Variants in CNTNAP4 observed in about 807,000 individuals in gnomAD.
CNTNAP4 encodes the protein contactin-associated protein-like 4.
CNTNAP4 carries 98 observed loss-of-function variants against 148.4 expected under a neutral mutation model. That is an observed-to-expected ratio of 0.66 (90% confidence interval 0.56 to 0.78). The LOEUF is 0.78. Among genes scored for constraint, CNTNAP4 ranks in the 30% least tolerant of loss-of-function variants. The probability of loss-of-function intolerance (pLI) is 0.00; values close to 1 mark genes in which losing one functional copy is unlikely to be tolerated. For synonymous variants in CNTNAP4, 730 were observed against 565.1 expected (o/e 1.29, Z -4.14); for missense variants, 1,935 against 1,565.6 (o/e 1.24, Z -3.98).
rs368695965 is a variant in CNTNAP4 at position 76,480,020 on chromosome 16, G to T, written c.1882+482G>T. Among the ~76,000 whole-genome samples, 302 of 152,168 alleles carry T rather than the reference G, an allele frequency of 2.0e-3. 1 individual carries two copies. Among genetic ancestry groups the T allele is most frequent in the African/African-American group, 6.7e-3 (278 of 41,540 alleles). The stretch of plus-strand genomic sequence containing the variant: ...AGTTACCTTGTTTCGATAAAGACCA[G>T]AAAACTTTACAGCCTATATTAGTTT... On this transcript the variant is annotated intron_variant, in intron 12 of 23. Coordinates refer to ENST00000611870, the MANE Select transcript of CNTNAP4 (RefSeq NM_033401.5).
At chr16:76,309,452 A>G (rs1202993921) in intron 1 of CNTNAP4, among the ~76,000 whole-genome samples, 2 of 152,096 alleles carry the variant, frequency 1.3e-5, no homozygotes, top group East Asian at 3.9e-4. Flanking sequence ...GGCCTTGGCT[A>G]GGGGAGGCTG....
intron 9 of CNTNAP4, among the ~76,000 whole-genome samples, chr16:76,466,512 C>A (rs991745435): frequency 1.3e-4 from 19 of 151,990 alleles, no homozygotes; most frequent in Non-Finnish European, 4.4e-5. Flanking sequence ...ATCTCATATA[C>A]CCACATATAC....
chr16:76,294,756 A>C (rs888973011), intron 1 of CNTNAP4, among the ~76,000 whole-genome samples: 3 of 152,148 alleles, frequency 2.0e-5, no homozygotes, highest in African/African-American at 2.4e-5. Context: ...TTATTCACTC[A>C]ACAAATAGTT....
chr16:76,486,754 C>G (rs1015708040), intron 12 of CNTNAP4, among the ~76,000 whole-genome samples: 13 of 152,288 alleles, frequency 8.5e-5, no homozygotes, highest in African/African-American at 3.1e-4. Flanking sequence ...GAGCCAAAGT[C>G]TCTCTATCAC....
At chr16:76,379,275 G>T (rs1286613887) in intron 3 of CNTNAP4, among the ~76,000 whole-genome samples, 1 of 152,152 alleles carries the variant, frequency 6.6e-6, no homozygotes, top group Non-Finnish European at 1.5e-5. Context: ...TGTCAGGGAA[G>T]TTCATCCTGA....
At chr16:76,301,121 G>A (rs1466080376) in intron 1 of CNTNAP4, among the ~76,000 whole-genome samples, 4 of 151,792 alleles carry the variant, frequency 2.6e-5, no homozygotes, top group Non-Finnish European at 5.9e-5. Flanking sequence ...GGAAATTGTG[G>A]GTAAGAGTAG....
chr16:76,381,195 T>C (rs3851754), intron 3 of CNTNAP4, among the ~76,000 whole-genome samples: 55,011 of 152,094 alleles, frequency 0.36, 10,955 homozygotes, highest in Non-Finnish European at 0.45. Flanking sequence ...GATGAGAATC[T>C]TTCTGTGTGT....
chr16:76,425,953 C>T (rs1351608049), intron 3 of CNTNAP4, among the ~76,000 whole-genome samples: 1 of 152,014 alleles, frequency 6.6e-6, no homozygotes, highest in Non-Finnish European at 1.5e-5. Flanking sequence ...TGGCAAAGAA[C>T]AAAATAATAA....
Position 76,538,179 on chromosome 16 carries a change from T to C in CNTNAP4, c.3059T>C (p.Leu1020Ser). 1 of 1,600,916 alleles carries C rather than the reference T, an allele frequency of 6.2e-7. No homozygotes were observed. The highest frequency in any genetic ancestry group is 1.3e-5 in the African/African-American group (1 of 74,622). Residue 1020 changes from leucine (L) to serine (S), a missense_variant, in exon 19 of 24, where the codon TTA becomes TCA. Transcript: ENST00000611870. ...VIYNFQENYL[L>S]SKNSSSHAAS... ...TACAATTTTCAAGAAAATTATCTTT[T>C]AAGTAAAAACTCCAGCTCCCACGCT...
chr16:76,399,180 C>G (rs961993929), intron 3 of CNTNAP4, among the ~76,000 whole-genome samples: 1 of 152,156 alleles, frequency 6.6e-6, no homozygotes, highest in African/African-American at 2.4e-5. Flanking sequence ...ATAAATTACC[C>G]ATTCTCTAGT....
intron 15 of CNTNAP4, among the ~76,000 whole-genome samples, chr16:76,514,242 G>A (rs1325388178): frequency 6.6e-6 from 1 of 152,136 alleles, no homozygotes; most frequent in Non-Finnish European, 1.5e-5. Flanking sequence ...GGCAAACTTA[G>A]ATAAGTGTTA....
At chr16:76,399,065 C>T (rs1023965638) in intron 3 of CNTNAP4, among the ~76,000 whole-genome samples, 1 of 152,152 alleles carries the variant, frequency 6.6e-6, no homozygotes, top group Non-Finnish European at 1.5e-5. Flanking sequence ...GCTCTCTTGC[C>T]TGCCACCATG....
At chr16:76,471,130 ACT>A (rs1491376688) in intron 10 of CNTNAP4, among the ~76,000 whole-genome samples, 1 of 151,378 alleles carries the variant, frequency 6.6e-6, no homozygotes, top group African/African-American at 2.4e-5. Context: ...ACACACACAC[ACT>A]CTTAGAAGCC....
intron 10 of CNTNAP4, among the ~76,000 whole-genome samples, chr16:76,468,828 G>A (rs2081268231): frequency 6.6e-6 from 1 of 152,108 alleles, no homozygotes; most frequent in African/African-American, 2.4e-5. Context: ...AAGTCATCTT[G>A]CCAGTCATGC....
chr16:76,422,591 G>A (rs2079228769), intron 3 of CNTNAP4, among the ~76,000 whole-genome samples: 1 of 152,016 alleles, frequency 6.6e-6, no homozygotes, highest in African/African-American at 2.4e-5. Context: ...ATGTTCTGTT[G>A]AAGTGATGCC....
chr16:76,487,853 C>T lies in CNTNAP4; in HGVS notation c.1883-1833C>T, dbSNP rs1163874477. On this transcript the variant is annotated intron_variant, in intron 12 of 23. Transcript: ENST00000611870. Reference sequence around the variant, plus strand: ...CTATGGCCTTGAATCTCTTGCAACACCTTTAAATACCTTTAGAATCAGGTG... The same window carrying T: ...CTATGGCCTTGAATCTCTTGCAACATCTTTAAATACCTTTAGAATCAGGTG... 2.6e-5 allele frequency among the ~76,000 whole-genome samples: 4 copies of T among 152,270 alleles called. No individual in the cohort carries two copies. The South Asian group carries it at 6.2e-4, about 24-fold the overall frequency.
intron 15 of CNTNAP4, among the ~76,000 whole-genome samples, chr16:76,502,401 G>C (rs953121946): frequency 6.7e-6 from 1 of 150,116 alleles, no homozygotes; most frequent in East Asian, 2.0e-4. Context: ...TTCCAAGTGA[G>C]GCTCACTGGA....
chr16:76,281,914 A>G (rs1470188901), intron 1 of CNTNAP4, among the ~76,000 whole-genome samples: 1 of 151,966 alleles, frequency 6.6e-6, no homozygotes, highest in African/African-American at 2.4e-5. Flanking sequence ...CTACTCAAAT[A>G]TTAGTATTAT....
At chr16:76,393,917 C>A (rs2078110628) in intron 3 of CNTNAP4, among the ~76,000 whole-genome samples, 1 of 152,154 alleles carries the variant, frequency 6.6e-6, no homozygotes, top group Non-Finnish European at 1.5e-5. Context: ...AACACAATTG[C>A]TTTATTTCAT....
Sources: gnomAD v4.1 joint callset for allele counts (sites outside exome capture counted in the v4.1 genomes callset) on GRCh38, gnomAD v4.1.1 for gene constraint, MANE v1.5 for transcripts, NCBI Gene and HGNC (gene_info 2026-07-23, HGNC 2026-07-21) for gene names.